Variants in SLC22A5 observed in about 807,000 individuals in gnomAD.
SLC22A5 encodes the protein solute carrier family 22 member 5.
SLC22A5 carries 44 observed loss-of-function variants against 56.7 expected under a neutral mutation model. That is an observed-to-expected ratio of 0.78 (90% CI 0.61 to 1.00). The LOEUF (loss-of-function observed/expected upper bound fraction) is 1.00, where lower values mean the gene tolerates loss of function less well. SLC22A5 is among the 50% of genes least tolerant of loss of function. The pLI is 0.00. For synonymous variants in SLC22A5, 278 were observed against 292.1 expected (o/e 0.95, Z 0.49); for missense variants, 675 against 723.0 (o/e 0.93, Z 0.76).
intron 1 of SLC22A5, chr5:132,378,003 C>T: frequency 8.5e-7 from 1 of 1,175,338 alleles, no homozygotes; most frequent in Non-Finnish European, 1.2e-6. Flanking sequence ...ACGTTCATGC[C>T]AATGGCCTGA....
intron 9 of SLC22A5, 123 bp downstream of exon 9, chr5:132,393,934 A>G (rs1185947665): frequency 8.2e-7 from 1 of 1,225,932 alleles, no homozygotes; most frequent in Non-Finnish European, 1.2e-6. Context: ...TAGTTTAGCC[A>G]TTAAAGGGTT....
At chr5:132,386,421 G>A (rs540719821) in intron 4 of SLC22A5, among the ~76,000 whole-genome samples, 2 of 152,070 alleles carry the variant, frequency 1.3e-5, no homozygotes, top group South Asian at 2.1e-4. Flanking sequence ...TTGGAGAGAC[G>A]GGTTTCACTG....
Position 132,379,410 on chromosome 5 carries a change from A to T in SLC22A5, c.497+929A>T, listed in dbSNP as rs1024354108. ...GGTTTTTAATTCCTGGCCTCAAGCA[A>T]TCCTCCCTCCATAACCTCCCAAAGT... On this transcript the variant is annotated intron_variant, in intron 2 of 9. Transcript: ENST00000245407. 3 of 152,334 alleles carry T rather than the reference A, an allele frequency of 2.0e-5. No individual in the cohort carries two copies. In the South Asian group the frequency reaches 6.2e-4, roughly 32 times the overall value. 9.4% of individuals were successfully genotyped at this position (152,334 alleles called of 1,614,324 possible).
chr5:132,391,044 T>C lies in SLC22A5; in HGVS notation c.1267+140T>C, dbSNP rs188321366. ...TATACATTCTTGGCCTAAAAATCAATAGAAAGTGTCTTCTGAGACTAGAAC... is the reference window on the plus strand; with the variant it reads ...TATACATTCTTGGCCTAAAAATCAACAGAAAGTGTCTTCTGAGACTAGAAC... On this transcript the variant is annotated intron_variant, in intron 7 of 9. Coordinates refer to ENST00000245407, the MANE Select transcript of SLC22A5 (RefSeq NM_003060.4). The C allele has an allele frequency of 7.3e-4, 539 of 743,110 alleles. 3 individuals carry two copies. The African/African-American group carries it at 8.5e-3, about 12-fold the overall frequency. 46.0% of individuals were successfully genotyped at this position (743,110 alleles called of 1,614,324 possible). A position where few individuals can be genotyped will look rare whatever the true frequency, so the allele number is the denominator to read the frequency against.
At chr5:132,385,607 AGGAAGCATAGATTAT>A in intron 4 of SLC22A5, 108 bp downstream of exon 4, 2 of 883,842 alleles carry the variant, frequency 2.3e-6, no homozygotes, top group Non-Finnish European at 3.7e-6. Flanking sequence ...TCCCAGAGAC[AGGAAGCATAGATTAT>A]AAATTATTTC....
At position 132,390,672 on chromosome 5, in the gene SLC22A5, T is replaced by G; in HGVS notation, c.1053-18T>G. On this transcript the variant is annotated intron_variant, in intron 6 of 9. Coordinates refer to ENST00000245407, the MANE Select transcript of SLC22A5 (RefSeq NM_003060.4). ...TGTGGATACTGCTTTTCCAGCTTTC[T>G]TCTGCACTCTGTTTCAGGATGACCA... The G allele has an allele frequency of 6.3e-7, 1 of 1,581,994 alleles. No individual in the cohort carries two copies. Among genetic ancestry groups the G allele is most frequent in the East Asian group, 2.2e-5 (1 of 44,732 alleles).
chr5:132,384,943 G>T (rs1752471881), intron 3 of SLC22A5, among the ~76,000 whole-genome samples: 1 of 152,172 alleles, frequency 6.6e-6, no homozygotes, highest in South Asian at 2.1e-4. Flanking sequence ...TGTTGAAAGG[G>T]TTGTTTTTTC....
At chr5:132,383,105 G>A (rs1284122784) in intron 2 of SLC22A5, 3 of 152,236 alleles carry the variant, frequency 2.0e-5, no homozygotes, top group Non-Finnish European at 2.9e-5. Flanking sequence ...CCACCAAGTC[G>A]AGCAGTAGAA....
chr5:132,369,906 C>T lies in SLC22A5; in HGVS notation c.-67C>T. On this transcript the variant is annotated 5_prime_UTR_variant, in exon 1 of 10. Transcript: ENST00000245407. ...TGCCTGGTCGGCGGCGGGTGCCCCGCGCGCACGCGCAAAGCCCGCCGCGTT... is the reference window on the plus strand; with the variant it reads ...TGCCTGGTCGGCGGCGGGTGCCCCGTGCGCACGCGCAAAGCCCGCCGCGTT... 6.3e-7 allele frequency: 1 copy of T among 1,581,504 alleles called. No individual in the cohort carries two copies.
intron 2 of SLC22A5, chr5:132,383,108 CAGT>C (rs1752403044): frequency 6.6e-6 from 1 of 152,270 alleles, no homozygotes; most frequent in Non-Finnish European, 1.5e-5. Context: ...CCAAGTCGAG[CAGT>C]AGAACTTTGC....
At position 132,393,791 on chromosome 5, in the gene SLC22A5, C is replaced by A. The variant is rs1162180929; in HGVS notation, c.1566C>A (p.Asp522Glu). 30 of 1,614,006 alleles carry A rather than the reference C, an allele frequency of 1.9e-5. No individual in the cohort carries two copies. Among genetic ancestry groups the A allele is most frequent in the Non-Finnish European group, 2.5e-5 (29 of 1,180,004 alleles). The change falls in exon 9 of 10, where the codon GAC becomes GAA. Residue 522 changes from aspartate (D) to glutamate (E), a missense_variant. Physicochemically the swap from Asp to Glu is conservative, Grantham distance 45. Coordinates refer to ENST00000245407, the MANE Select transcript of SLC22A5 (RefSeq NM_003060.4). ...SFGTPLPDTI[D>E]QMLRVKGMKH... ...GTACCCCACTCCCAGACACCATTGA[C>A]CAGATGCTAAGAGTCAAAGGGTAAG...
intron 7 of SLC22A5, among the ~76,000 whole-genome samples, chr5:132,391,778 A>G (rs1173552806): frequency 6.6e-6 from 1 of 152,222 alleles, no homozygotes; most frequent in Admixed American, 6.5e-5. Flanking sequence ...CACTGTGCCC[A>G]GAGACTTCAG....
At chr5:132,375,104 C>T (rs1429262844) in intron 1 of SLC22A5, among the ~76,000 whole-genome samples, 1 of 152,106 alleles carries the variant, frequency 6.6e-6, no homozygotes, top group Non-Finnish European at 1.5e-5. Context: ...GTTCAGGGTT[C>T]ATCTCGACTT....
At chr5:132,386,888 C>T in intron 4 of SLC22A5, 137 bp from the exon 5 acceptor site, 1 of 935,252 alleles carries the variant, frequency 1.1e-6, no homozygotes, top group Admixed American at 1.7e-5. Context: ...CAGCTCTTTG[C>T]TTCTGGCTTG....
chr5:132,376,727 G>A (rs548252899), intron 1 of SLC22A5: 1 of 152,286 alleles, frequency 6.6e-6, no homozygotes. Flanking sequence ...GGGAAATAGA[G>A]CCCATCATAC....
chr5:132,389,212 G>C, intron 6 of SLC22A5, 191 bp downstream of exon 6: 1 of 588,302 alleles, frequency 1.7e-6, no homozygotes, highest in Admixed American at 2.6e-5. Flanking sequence ...CTCAGAAAAG[G>C]AGAATGAAAA....
chr5:132,380,549 T>C (rs187210447), intron 2 of SLC22A5: 51 of 151,900 alleles, frequency 3.4e-4, no homozygotes, highest in African/African-American at 1.1e-3. Flanking sequence ...ATGCCAGAGA[T>C]GATGGTGGCA....
intron 8 of SLC22A5, 131 bp downstream of exon 8, chr5:132,392,746 A>G: frequency 1.3e-6 from 1 of 795,838 alleles, no homozygotes; most frequent in South Asian, 1.4e-5. Context: ...CCAGTACTGG[A>G]TCTTTGGCCG....
In SLC22A5 at chr5:132,390,696, C is replaced by T; in HGVS notation, c.1059C>T (p.Thr353=). The change falls in exon 7 of 10, where the codon ACC becomes ACT. Residue 353 remains threonine, a synonymous_variant. Coordinates refer to ENST00000245407, the MANE Select transcript of SLC22A5 (RefSeq NM_003060.4). ...VTIMSIMLWM[T]ISVGYFGLSL... ...CTTCTGCACTCTGTTTCAGGATGAC[C>T]ATATCAGTGGGCTATTTTGGGCTTT... is the stretch of plus-strand genomic sequence containing the variant. 6.2e-7 allele frequency: 1 copy of T among 1,612,092 alleles called. No homozygotes were observed. Among genetic ancestry groups the T allele is most frequent in the South Asian group, 1.1e-5 (1 of 91,052 alleles).
Sources: allele counts gnomAD v4.1 joint callset (sites outside exome capture counted in the v4.1 genomes callset), GRCh38; gene constraint gnomAD v4.1.1; transcripts MANE v1.5; gene names NCBI Gene and HGNC (gene_info 2026-07-23, HGNC 2026-07-21).